NAV3: variants seen among roughly 807,000 people sequenced by gnomAD.
The protein encoded by NAV3 is pore membrane and/or filament interacting like protein 1.
A neutral mutation model predicts 244.7 loss-of-function variants in NAV3; 87 were observed. The ratio of observed to expected loss-of-function variants is 0.36; its 90% CI spans 0.30 to 0.42. NAV3 has a LOEUF of 0.42. Among genes scored for constraint, NAV3 ranks in the 20% least tolerant of loss-of-function variants. The pLI, the probability that NAV3 is intolerant of heterozygous loss-of-function variation, is 1.00. For synonymous variants in NAV3, 1,126 were observed against 1,042.2 expected, an observed-to-expected ratio of 1.08 and a Z score of -1.55; for missense variants, 2,663 against 2,893.3, an observed-to-expected ratio of 0.92 and a Z score of 1.83.
At chr12:77,624,617 T>C (rs1391356188) in intron 2 of NAV3, among the ~76,000 whole-genome samples, 1 of 151,972 alleles carries the variant, frequency 6.6e-6, no homozygotes, top group Non-Finnish European at 1.5e-5. Context: ...CTGTTGAAGG[T>C]GGAGTTTACA....
upstream of NAV3, among the ~76,000 whole-genome samples, chr12:77,826,898 G>A (rs553433093): frequency 3.9e-5 from 6 of 152,218 alleles, no homozygotes; most frequent in South Asian, 1.2e-3. Flanking sequence ...TTACTTATAT[G>A]TAAATTCCAC....
chr12:77,766,766 TTTTTTG>T, intron 2 of NAV3, among the ~76,000 whole-genome samples: 1 of 93,876 alleles, frequency 1.1e-5, no homozygotes, highest in Non-Finnish European at 2.1e-5. Context: ...TTTTTTTTTT[TTTTTTG>T]AGACGGAGTC....
At chr12:77,956,798 G>A (rs565778736) in intron 3 of NAV3, among the ~76,000 whole-genome samples, 6 of 152,220 alleles carry the variant, frequency 3.9e-5, no homozygotes, top group African/African-American at 1.2e-4. Flanking sequence ...CTGGAGGGCA[G>A]TTGTGTGATC....
chr12:77,982,712 T>C (rs1869792583), intron 5 of NAV3, among the ~76,000 whole-genome samples: 1 of 152,182 alleles, frequency 6.6e-6, no homozygotes, highest in Non-Finnish European at 1.5e-5. Flanking sequence ...ATAAAGAGAA[T>C]GGCTTGTCCT....
intron 2 of NAV3, among the ~76,000 whole-genome samples, chr12:77,603,917 G>A (rs1870554058): frequency 1.3e-5 from 2 of 152,100 alleles, no homozygotes; most frequent in Middle Eastern, 3.2e-3. Flanking sequence ...TCATACAAAA[G>A]CTAGAAGCAA....
chr12:78,131,000 A>G (rs776243431), intron 18 of NAV3: 1 of 155,630 alleles, frequency 6.4e-6, no homozygotes, highest in Non-Finnish European at 1.4e-5. Context: ...TGGGTCCTCA[A>G]GTGCCTCCCT....
At chr12:78,126,374 A>G (rs980046695) in intron 16 of NAV3, among the ~76,000 whole-genome samples, 1 of 152,150 alleles carries the variant, frequency 6.6e-6, no homozygotes, top group Non-Finnish European at 1.5e-5. Context: ...TTAATTTTAC[A>G]CTTTGCTTAT....
chr12:77,704,913 A>C (rs908039954), intron 2 of NAV3, among the ~76,000 whole-genome samples: 1 of 152,222 alleles, frequency 6.6e-6, no homozygotes, highest in Non-Finnish European at 1.5e-5. Context: ...TGGAATTTCA[A>C]ATCTAGTTTA....
At chr12:77,807,301 C>T (rs548040997) in intron 2 of NAV3, among the ~76,000 whole-genome samples, 2 of 152,290 alleles carry the variant, frequency 1.3e-5, no homozygotes, top group South Asian at 4.1e-4. Flanking sequence ...TATGTTTTTG[C>T]AGTGGCTGGT....
At chr12:77,649,380 T>C (rs1872729756) in intron 2 of NAV3, among the ~76,000 whole-genome samples, 1 of 152,136 alleles carries the variant, frequency 6.6e-6, no homozygotes, top group Non-Finnish European at 1.5e-5. Context: ...CCCTGTATGG[T>C]AATACATCAT....
At chr12:77,845,318 C>T (rs1261151914) in intron 1 of NAV3, among the ~76,000 whole-genome samples, 1 of 152,168 alleles carries the variant, frequency 6.6e-6, no homozygotes, top group Non-Finnish European at 1.5e-5. Context: ...TGCAGTCTGG[C>T]ACTGCCTTTA....
Position 78,150,487 on chromosome 12 carries a change from C to T in NAV3, c.4785+1568C>T, listed in dbSNP as rs563950715. Among the ~76,000 whole-genome samples, 468 of 131,146 alleles carry T rather than the reference C, an allele frequency of 3.6e-3. 4 individuals are homozygous for T. The highest frequency in any genetic ancestry group is 0.012 in the African/African-American group (440 of 35,948). 86.0% of individuals were successfully genotyped at this position (131,146 alleles called of 152,430 possible). ...AAGAAAAAACTAAAATGGTATTTCACATTTTTTTGTTTTTGTTTTTGTTTT... is the reference window on the plus strand; with the variant it reads ...AAGAAAAAACTAAAATGGTATTTCATATTTTTTTGTTTTTGTTTTTGTTTT... On this transcript the variant is annotated intron_variant, in intron 22 of 39. Transcript: ENST00000397909.
intron 11 of NAV3, among the ~76,000 whole-genome samples, chr12:78,055,114 A>G (rs755268622): frequency 5.3e-5 from 8 of 152,192 alleles, no homozygotes; most frequent in Non-Finnish European, 1.2e-4. Flanking sequence ...GGCACTGTGC[A>G]TTCAGTAGTG....
chr12:77,845,679 G>A (rs1434197843), intron 1 of NAV3, among the ~76,000 whole-genome samples: 15 of 138,620 alleles, frequency 1.1e-4, no homozygotes, highest in Non-Finnish European at 1.7e-4. Context: ...TTGAGATGGA[G>A]TTTCACTCTT....
At chr12:78,165,264 A>G (rs148655679) in intron 23 of NAV3, among the ~76,000 whole-genome samples, 2,570 of 152,126 alleles carry the variant, frequency 0.017, 84 homozygotes, top group African/African-American at 0.059. Context: ...GTGAAGTAAC[A>G]AAATATGATC....
At chr12:77,698,693 C>T (rs1376644072) in intron 2 of NAV3, among the ~76,000 whole-genome samples, 1 of 152,060 alleles carries the variant, frequency 6.6e-6, no homozygotes, top group Non-Finnish European at 1.5e-5. Flanking sequence ...AGACACAACC[C>T]TCAAGATAAT....
chr12:77,601,179 A>G (rs921019240), intron 2 of NAV3, among the ~76,000 whole-genome samples: 1 of 151,952 alleles, frequency 6.6e-6, no homozygotes, highest in Non-Finnish European at 1.5e-5. Flanking sequence ...AGGGATAATT[A>G]TTATCTGCAT....
At chr12:77,895,738 G>C (rs200180819) in intron 1 of NAV3, among the ~76,000 whole-genome samples, 1 of 128,008 alleles carries the variant, frequency 7.8e-6, no homozygotes, top group Admixed American at 7.7e-5. Flanking sequence ...GTACCCTCTT[G>C]TTTTTTTTTT....
At chr12:77,573,117 G>A (rs900912726) in intron 2 of NAV3, among the ~76,000 whole-genome samples, 1 of 152,142 alleles carries the variant, frequency 6.6e-6, no homozygotes, top group Non-Finnish European at 1.5e-5. Context: ...CAAGAAATGG[G>A]AGAAAAGGAA....
Sources: allele counts gnomAD v4.1 joint callset (sites outside exome capture counted in the v4.1 genomes callset), GRCh38; gene constraint gnomAD v4.1.1; transcripts MANE v1.5; gene names NCBI Gene and HGNC (gene_info 2026-07-23, HGNC 2026-07-21).